The following NCAM2 variants were observed in gnomAD, a reference collection of about 807,000 sequenced individuals.
NCAM2 encodes N-CAM-2.
In NCAM2, 30 loss-of-function variants were observed where a neutral mutation model predicts 98.1. That is an observed-to-expected ratio of 0.31 (90% CI 0.23 to 0.41). The LOEUF is 0.41. Ranked by LOEUF, NCAM2 falls within the 10% of genes least tolerant of loss-of-function variation. The pLI is 1.00. For missense variants in NCAM2, 867 were observed against 1,005.8 expected (o/e 0.86, Z 1.87); for synonymous variants, 368 against 342.4 (o/e 1.07, Z -0.83).
At chr21:21,080,514 G>A (rs1201440155) in intron 1 of NCAM2, among the ~76,000 whole-genome samples, 1 of 151,724 alleles carries the variant, frequency 6.6e-6, no homozygotes, top group Non-Finnish European at 1.5e-5. Flanking sequence ...TACTTGGGAA[G>A]CTGAGGCAAG....
At chr21:21,456,775 C>T (rs1227279121) in intron 12 of NCAM2, among the ~76,000 whole-genome samples, 1 of 152,080 alleles carries the variant, frequency 6.6e-6, no homozygotes, top group African/African-American at 2.4e-5. Context: ...GCAAAATGCT[C>T]ATGAGTAGGA....
At chr21:21,033,275 CAT>C (rs1418467411) in intron 1 of NCAM2, among the ~76,000 whole-genome samples, 2 of 152,088 alleles carry the variant, frequency 1.3e-5, no homozygotes, top group East Asian at 1.9e-4. Context: ...ACAAGACGAA[CAT>C]GTGTGCCATA....
At chr21:21,129,481 C>T (rs1469873317) in intron 1 of NCAM2, among the ~76,000 whole-genome samples, 5 of 152,016 alleles carry the variant, frequency 3.3e-5, no homozygotes, top group East Asian at 3.9e-4. Flanking sequence ...TGCTATATCA[C>T]GTGGGCTTCT....
chr21:21,230,338 G>C (rs994766327), intron 1 of NCAM2, among the ~76,000 whole-genome samples: 1 of 150,906 alleles, frequency 6.6e-6, no homozygotes, highest in Non-Finnish European at 1.5e-5. Flanking sequence ...ATGATAAAAG[G>C]TGATTTCGGA....
At chr21:21,484,481 G>A (rs1236522612) in intron 15 of NCAM2, among the ~76,000 whole-genome samples, 2 of 151,950 alleles carry the variant, frequency 1.3e-5, no homozygotes, top group Non-Finnish European at 2.9e-5. Flanking sequence ...GAATAAAGGC[G>A]AAAATGGAAG....
At chr21:21,423,057 A>G (rs879727441) in intron 11 of NCAM2, among the ~76,000 whole-genome samples, 6 of 151,870 alleles carry the variant, frequency 4.0e-5, no homozygotes, top group Non-Finnish European at 7.4e-5. Context: ...ATATTTTTAA[A>G]TTTCTTAATT....
At chr21:21,291,046 C>T (rs1382220033) in intron 4 of NCAM2, among the ~76,000 whole-genome samples, 1 of 172 alleles carries the variant, frequency 5.8e-3, no homozygotes, top group African/African-American at 0.019. Flanking sequence ...TTGGAACAGG[C>T]CCAAAGGTAA....
intron 10 of NCAM2, among the ~76,000 whole-genome samples, chr21:21,411,113 TATATATATATAC>T (rs2076869248): frequency 3.2e-5 from 1 of 30,864 alleles, no homozygotes; most frequent in Non-Finnish European, 1.0e-4. Flanking sequence ...CATATATATG[TATATATATATAC>T]ACATATATAT....
chr21:21,065,809 G>T (rs2065424646), intron 1 of NCAM2, among the ~76,000 whole-genome samples: 1 of 152,158 alleles, frequency 6.6e-6, no homozygotes, highest in Non-Finnish European at 1.5e-5. Flanking sequence ...CGGTTTATAT[G>T]TAAGAGTTTT....
At chr21:21,511,016 T>G (rs1011787225) in intron 16 of NCAM2, among the ~76,000 whole-genome samples, 4 of 152,068 alleles carry the variant, frequency 2.6e-5, no homozygotes, top group Non-Finnish European at 5.9e-5. Flanking sequence ...TTATACTTGT[T>G]GCATATGGGG....
At chr21:21,314,280 G>A (rs2074149626) in intron 5 of NCAM2, among the ~76,000 whole-genome samples, 1 of 152,022 alleles carries the variant, frequency 6.6e-6, no homozygotes, top group Non-Finnish European at 1.5e-5. Flanking sequence ...CATAGACCTT[G>A]CTTTGACAGG....
intron 15 of NCAM2, among the ~76,000 whole-genome samples, chr21:21,497,993 T>C (rs1173492935): frequency 6.6e-6 from 1 of 152,088 alleles, no homozygotes; most frequent in Admixed American, 6.6e-5. Flanking sequence ...GTAAATAGTA[T>C]TGTAAGGGAC....
intron 1 of NCAM2, among the ~76,000 whole-genome samples, chr21:21,053,076 A>G (rs1482389907): frequency 1.3e-5 from 2 of 152,218 alleles, no homozygotes; most frequent in South Asian, 4.1e-4. Context: ...AAAAGCAAAA[A>G]CAATTAATTG....
intron 1 of NCAM2, among the ~76,000 whole-genome samples, chr21:21,154,738 G>T (rs963279559): frequency 2.0e-5 from 3 of 151,796 alleles, no homozygotes; most frequent in African/African-American, 7.2e-5. Context: ...CTAAATATTT[G>T]TGTGTATGTT....
chr21:21,058,463 T>C (rs897374363), intron 1 of NCAM2, among the ~76,000 whole-genome samples: 3 of 152,110 alleles, frequency 2.0e-5, no homozygotes, highest in Non-Finnish European at 4.4e-5. Flanking sequence ...TGTTAATTTG[T>C]GTTAAAGATT....
intron 15 of NCAM2, among the ~76,000 whole-genome samples, chr21:21,506,748 A>G (rs1428667616): frequency 6.6e-6 from 1 of 152,180 alleles, no homozygotes; most frequent in African/African-American, 2.4e-5. Context: ...TTACTAAACT[A>G]TCACCATCTA....
chr21:21,359,615 ATAGT>A (rs1568976829), intron 8 of NCAM2, among the ~76,000 whole-genome samples: 1 of 151,934 alleles, frequency 6.6e-6, no homozygotes, highest in East Asian at 1.9e-4. Flanking sequence ...CAATTTTATG[ATAGT>A]TGTTTGGGGG....
In NCAM2 at chr21:21,510,275, A is replaced by C. The variant is rs561950521; in HGVS notation, c.2282+1220A>C. Among the ~76,000 whole-genome samples the C allele has an allele frequency of 9.9e-5, 15 of 152,256 alleles. No homozygotes were observed. The East Asian group carries it at 2.9e-3, about 29-fold the overall frequency. ...AAATGTTTTTATATGTGTAACACAA[A>C]GCCATATCACAATTCAGAACCTTAC... On this transcript the variant is annotated intron_variant, in intron 16 of 17. Transcript: ENST00000400546.
At chr21:21,062,131 C>G (rs2065335600) in intron 1 of NCAM2, among the ~76,000 whole-genome samples, 1 of 152,038 alleles carries the variant, frequency 6.6e-6, no homozygotes, top group Non-Finnish European at 1.5e-5. Flanking sequence ...AGGAGAGGAG[C>G]TTTAAGTGAG....
Sources: allele counts gnomAD v4.1 joint callset (sites outside exome capture counted in the v4.1 genomes callset), GRCh38; gene constraint gnomAD v4.1.1; transcripts MANE v1.5; gene names NCBI Gene and HGNC (gene_info 2026-07-23, HGNC 2026-07-21).